The following EXOC4 variants were observed in gnomAD, a reference collection of about 807,000 sequenced individuals.
The protein encoded by EXOC4 is exocyst complex component 4.
EXOC4 carries 71 observed loss-of-function variants against 107.2 expected under a neutral mutation model. The ratio of observed to expected loss-of-function variants is 0.66; its 90% CI spans 0.55 to 0.81. The LOEUF is 0.81. Ranked by LOEUF, EXOC4 falls within the 30% of genes least tolerant of loss-of-function variation. The pLI, the probability that EXOC4 is intolerant of heterozygous loss-of-function variation, is 0.00. For missense variants in EXOC4, 1,108 were observed against 1,189.6 expected, an observed-to-expected ratio of 0.93 and a Z score of 1.01; for synonymous variants, 456 against 441.2, an observed-to-expected ratio of 1.03 and a Z score of -0.42.
At chr7:133,377,991 T>C (rs999838539) in intron 7 of EXOC4, among the ~76,000 whole-genome samples, 1 of 151,814 alleles carries the variant, frequency 6.6e-6, no homozygotes, top group African/African-American at 2.4e-5. Flanking sequence ...TTGTCACCAC[T>C]AGACTTTCAC....
intron 9 of EXOC4, among the ~76,000 whole-genome samples, chr7:133,583,697 A>G (rs2150970057): frequency 6.6e-6 from 1 of 152,336 alleles, no homozygotes; most frequent in South Asian, 2.1e-4. Context: ...AGCTGAAGGG[A>G]GAGATGGGGA....
At chr7:133,318,287 G>A (rs1360032686) in intron 5 of EXOC4, among the ~76,000 whole-genome samples, 1 of 152,216 alleles carries the variant, frequency 6.6e-6, no homozygotes, top group Non-Finnish European at 1.5e-5. Context: ...TTAAGGTTGA[G>A]GGCAGGAGGG....
intron 15 of EXOC4, among the ~76,000 whole-genome samples, chr7:134,003,081 G>A (rs943241609): frequency 1.3e-5 from 2 of 152,098 alleles, no homozygotes; most frequent in South Asian, 2.1e-4. Flanking sequence ...AATATCAATG[G>A]GCGAATAGAT....
At chr7:133,903,059 G>A (rs142629903) in intron 12 of EXOC4, among the ~76,000 whole-genome samples, 1 of 152,164 alleles carries the variant, frequency 6.6e-6, no homozygotes, top group African/African-American at 2.4e-5. Flanking sequence ...TGGGTAGAGT[G>A]CACTGGCACA....
chr7:133,971,357 TATATAGAGAGAG>T (rs1310300319), intron 14 of EXOC4, among the ~76,000 whole-genome samples: 6 of 100,552 alleles, frequency 6.0e-5, no homozygotes, highest in South Asian at 3.6e-4. Context: ...TATATATATA[TATATAGAGAGAG>T]AGAGAGAGAG....
intron 10 of EXOC4, among the ~76,000 whole-genome samples, chr7:133,668,590 T>G (rs1220995431): frequency 6.6e-6 from 1 of 152,222 alleles, no homozygotes; most frequent in Non-Finnish European, 1.5e-5. Flanking sequence ...TTAACTGAAG[T>G]GTTAAGCATG....
intron 7 of EXOC4, among the ~76,000 whole-genome samples, chr7:133,441,898 T>G (rs1798114324): frequency 1.3e-5 from 2 of 152,208 alleles, no homozygotes; most frequent in Non-Finnish European, 2.9e-5. Context: ...ACAACATCCC[T>G]GCTGGTGCTT....
chr7:133,480,498 T>A, intron 9 of EXOC4: 1 of 1,048,234 alleles, frequency 9.5e-7, no homozygotes, highest in South Asian at 3.1e-5. Flanking sequence ...TTCTAGAATA[T>A]GACAGGAGTA....
At chr7:133,324,094 TTC>T (rs1403120694) in intron 5 of EXOC4, among the ~76,000 whole-genome samples, 3 of 152,330 alleles carry the variant, frequency 2.0e-5, no homozygotes, top group Non-Finnish European at 4.4e-5. Context: ...TGTTTGATTC[TTC>T]TCTCTTTTTT....
chr7:133,841,694 T>C (rs999489213), intron 11 of EXOC4, among the ~76,000 whole-genome samples: 3 of 152,206 alleles, frequency 2.0e-5, no homozygotes, highest in South Asian at 2.1e-4. Context: ...CAGGGGTACA[T>C]GTGCAGGTTT....
intron 14 of EXOC4, among the ~76,000 whole-genome samples, chr7:133,952,455 AG>A (rs765653014): frequency 1.0e-3 from 157 of 152,320 alleles, no homozygotes; most frequent in Non-Finnish European, 6.9e-4. Flanking sequence ...CAGTTCTGCT[AG>A]GATCTTAGGA....
At chr7:134,030,316 G>A (rs537999163) in intron 17 of EXOC4, among the ~76,000 whole-genome samples, 2 of 152,164 alleles carry the variant, frequency 1.3e-5, no homozygotes, top group African/African-American at 4.8e-5. Flanking sequence ...TAGCCAAAAG[G>A]TAGAAACAAC....
intron 13 of EXOC4, among the ~76,000 whole-genome samples, chr7:133,924,925 A>G (rs546747787): frequency 6.6e-6 from 1 of 152,382 alleles, no homozygotes; most frequent in Non-Finnish European, 1.5e-5. Flanking sequence ...TCTATTTGGT[A>G]TATGATTGAC....
At chr7:133,808,725 C>T (rs552236785) in intron 10 of EXOC4, among the ~76,000 whole-genome samples, 203 of 151,876 alleles carry the variant, frequency 1.3e-3, no homozygotes, top group African/African-American at 4.4e-3. Context: ...AAGGATGGGC[C>T]CATGTCTGGG....
intron 9 of EXOC4, among the ~76,000 whole-genome samples, chr7:133,627,016 T>A (rs371222631): frequency 2.0e-5 from 3 of 152,210 alleles, no homozygotes; most frequent in African/African-American, 7.2e-5. Flanking sequence ...AGTTAGGTCT[T>A]TTTTCCTTTC....
intron 10 of EXOC4, among the ~76,000 whole-genome samples, chr7:133,679,423 T>A (rs1411179813): frequency 6.6e-6 from 1 of 152,180 alleles, no homozygotes; most frequent in Admixed American, 6.5e-5. Context: ...GATGTTAATG[T>A]TCTGGAGGCC....
intron 7 of EXOC4, among the ~76,000 whole-genome samples, chr7:133,463,140 A>C (rs1422724937): frequency 6.6e-6 from 1 of 152,178 alleles, no homozygotes; most frequent in African/African-American, 2.4e-5. Context: ...GAATGAAAAT[A>C]TTTAGAAGAG....
intron 13 of EXOC4, among the ~76,000 whole-genome samples, chr7:133,931,674 A>C (rs964912715): frequency 4.6e-5 from 7 of 152,116 alleles, no homozygotes; most frequent in Non-Finnish European, 1.0e-4. Flanking sequence ...AAACATAATA[A>C]ATCTCTCATA....
intron 9 of EXOC4, among the ~76,000 whole-genome samples, chr7:133,590,407 G>A (rs75486675): frequency 0.067 from 10,252 of 151,950 alleles, 399 homozygotes; most frequent in Middle Eastern, 0.1. Flanking sequence ...GGTAGAAAAC[G>A]GCAGGGTCCC....
Sources: gnomAD v4.1 joint callset for allele counts (sites outside exome capture counted in the v4.1 genomes callset) on GRCh38, gnomAD v4.1.1 for gene constraint, MANE v1.5 for transcripts, NCBI Gene and HGNC (gene_info 2026-07-23, HGNC 2026-07-21) for gene names.